Variants in EML5 observed in about 807,000 individuals in gnomAD.
The protein encoded by EML5 is echinoderm microtubule-associated protein-like 5.
A neutral mutation model predicts 250.0 loss-of-function variants in EML5; 120 were observed. The observed-to-expected ratio is 0.48, with a 90% confidence interval of 0.41 to 0.56. EML5 has a LOEUF of 0.56. Ranked by LOEUF, EML5 falls within the 20% of genes least tolerant of loss-of-function variation. The pLI is 0.00. For missense variants in EML5, 2,006 were observed against 2,437.6 expected, an observed-to-expected ratio of 0.82 and a Z score of 3.73; for synonymous variants, 771 against 806.5, an observed-to-expected ratio of 0.96 and a Z score of 0.75.
intron 1 of EML5, among the ~76,000 whole-genome samples, chr14:88,756,245 C>A (rs183448790): frequency 1.1e-4 from 16 of 151,780 alleles, no homozygotes; most frequent in Admixed American, 2.6e-4. Flanking sequence ...GAAGAAAGGT[C>A]AAAAAAACTC....
intron 27 of EML5, among the ~76,000 whole-genome samples, chr14:88,655,325 A>G (rs924335726): frequency 1.3e-5 from 2 of 152,174 alleles, no homozygotes; most frequent in Non-Finnish European, 2.9e-5. Flanking sequence ...ATAATGCCAC[A>G]TATCTACAAC....
chr14:88,675,012 G>A (rs1178213486), intron 21 of EML5, among the ~76,000 whole-genome samples: 2 of 152,228 alleles, frequency 1.3e-5, no homozygotes, highest in Admixed American at 1.3e-4. Context: ...ATGGTCTTGG[G>A]CAGCTCTGCC....
rs577874420 is a variant in EML5 at position 88,729,777 on chromosome 14, T to C, written c.1050-3099A>G. 2.0e-5 allele frequency among the ~76,000 whole-genome samples: 3 copies of C among 152,174 alleles called. No individual in the cohort carries two copies. The South Asian group carries it at 6.2e-4, about 32-fold the overall frequency. The stretch of plus-strand genomic sequence containing the variant: ...GGTTTTGCCATGTTGGCCAGGCTGG[T>C]CTTGAACTCTTGGCCTCATGTGATC... On this transcript the variant is annotated intron_variant, in intron 7 of 43. Transcript: ENST00000554922.
At chr14:88,696,982 A>G in intron 14 of EML5, 30 bp from the exon 15 acceptor site, 1 of 1,366,956 alleles carries the variant, frequency 7.3e-7, no homozygotes, top group Non-Finnish European at 9.9e-7. Context: ...GCTATTAAAT[A>G]CAATTAAATT....
intron 1 of EML5, among the ~76,000 whole-genome samples, chr14:88,770,834 T>C (rs2094384807): frequency 6.6e-6 from 1 of 152,210 alleles, no homozygotes; most frequent in Non-Finnish European, 1.5e-5. Flanking sequence ...TTCTAAAACA[T>C]TTAACAAGAT....
At position 88,619,111 on chromosome 14, in the gene EML5, A is replaced by C. The variant is rs1174356080; in HGVS notation, c.5376-299T>G. On this transcript the variant is annotated intron_variant, in intron 39 of 43. Transcript: ENST00000554922. ...CCAGGCCCAGTGGCTCACACCTATA[A>C]TCCCAGAACTTTGGGAAGCGGAGGC... 10 of 191,876 alleles carry C rather than the reference A, an allele frequency of 5.2e-5. No individual in the cohort carries two copies. In the Admixed American group the frequency reaches 5.8e-4, roughly 11 times the overall value. 11.9% of individuals were successfully genotyped at this position (191,876 alleles called of 1,614,324 possible).
chr14:88,743,845 G>T (rs1195449442), intron 4 of EML5, among the ~76,000 whole-genome samples, 178 bp downstream of exon 4: 2 of 151,950 alleles, frequency 1.3e-5, no homozygotes, highest in East Asian at 3.8e-4. Flanking sequence ...CCTTACAATA[G>T]TTCAAAGCAA....
chr14:88,659,496 G>A (rs887898008), intron 25 of EML5, among the ~76,000 whole-genome samples: 106 of 152,230 alleles, frequency 7.0e-4, no homozygotes, highest in Non-Finnish European at 1.9e-4. Flanking sequence ...ATAGGCGTAA[G>A]CCACTGCGCC....
At chr14:88,759,580 A>C (rs2094207691) in intron 1 of EML5, among the ~76,000 whole-genome samples, 1 of 151,220 alleles carries the variant, frequency 6.6e-6, no homozygotes, top group East Asian at 2.0e-4. Context: ...GTTATTCAGA[A>C]GGCTGAGGCA....
intron 1 of EML5, among the ~76,000 whole-genome samples, chr14:88,786,142 C>T (rs1332898631): frequency 6.6e-6 from 1 of 152,198 alleles, no homozygotes; most frequent in Non-Finnish European, 1.5e-5. Flanking sequence ...CAGCACATTA[C>T]CTCACCTCCT....
chr14:88,640,775 G>T (rs532086117), intron 31 of EML5, among the ~76,000 whole-genome samples: 1 of 151,792 alleles, frequency 6.6e-6, no homozygotes, highest in Non-Finnish European at 1.5e-5. Flanking sequence ...AAAAAAATCG[G>T]TTTTTTGAAA....
chr14:88,747,915 A>G (rs1374133938), intron 2 of EML5, among the ~76,000 whole-genome samples: 2 of 152,204 alleles, frequency 1.3e-5, no homozygotes, highest in Admixed American at 6.5e-5. Context: ...ACAGCTAGAA[A>G]CTGTACAGAA....
chr14:88,713,929 C>T lies in EML5; in HGVS notation c.1444+1010G>A, dbSNP rs115000783. ...AACGGCTCACTGCAGCCTTATCCTCCCAAGCTCAAATGACCCTCCCATCCC... is the reference window on the plus strand; with the variant it reads ...AACGGCTCACTGCAGCCTTATCCTCTCAAGCTCAAATGACCCTCCCATCCC... On this transcript the variant is annotated intron_variant, in intron 9 of 43. Coordinates refer to ENST00000554922, the MANE Select transcript of EML5 (RefSeq NM_183387.3). 2.8e-3 allele frequency among the ~76,000 whole-genome samples: 428 copies of T among 151,544 alleles called. 3 individuals are homozygous for T. The highest frequency in any genetic ancestry group is 9.5e-3 in the African/African-American group (391 of 41,222).
At position 88,792,669 on chromosome 14, in the gene EML5, C is replaced by T. The variant is rs1043871578; in HGVS notation, c.-166G>A. ...CTCGTTTCGGGGGCCGCCGCCGCCT[C>T]AGCCCACAGGCGGGAGGAAAACCCT... On this transcript the variant is annotated 5_prime_UTR_variant, in exon 1 of 44. An upstream open reading frame in the 5' UTR loses its in-frame stop. Coordinates refer to ENST00000554922, the MANE Select transcript of EML5 (RefSeq NM_183387.3). This position sits in a 1 kb window ranked among gnomAD's most constrained non-coding sequence, Gnocchi z 6.9. 16 of 1,143,844 alleles carry T rather than the reference C, an allele frequency of 1.4e-5. No individual in the cohort carries two copies. The highest frequency in any genetic ancestry group is 1.6e-5 in the African/African-American group (1 of 61,462). 70.9% of individuals were successfully genotyped at this position (1,143,844 alleles called of 1,614,324 possible).
At chr14:88,706,813 A>T (rs1234866661) in intron 10 of EML5, among the ~76,000 whole-genome samples, 6 of 152,232 alleles carry the variant, frequency 3.9e-5, no homozygotes, top group African/African-American at 1.4e-4. Context: ...TTTAAGACTT[A>T]AGTCATCAAG....
chr14:88,653,086 T>G (rs1160808333), intron 27 of EML5, among the ~76,000 whole-genome samples: 1 of 152,126 alleles, frequency 6.6e-6, no homozygotes, highest in East Asian at 1.9e-4. Context: ...TCACTCATGA[T>G]TTGGCTGTTT....
chr14:88,752,322 A>T (rs551159332), intron 2 of EML5, among the ~76,000 whole-genome samples: 1 of 152,222 alleles, frequency 6.6e-6, no homozygotes, highest in African/African-American at 2.4e-5. Flanking sequence ...CTTGAATTTC[A>T]TAACACCTTA....
At chr14:88,765,024 C>G (rs1314036277) in intron 1 of EML5, among the ~76,000 whole-genome samples, 1 of 152,140 alleles carries the variant, frequency 6.6e-6, no homozygotes, top group African/African-American at 2.4e-5. Context: ...AGTCCTTTGT[C>G]TCTAACCTAG....
chr14:88,783,406 A>C (rs1253503145), intron 1 of EML5, among the ~76,000 whole-genome samples: 1 of 152,228 alleles, frequency 6.6e-6, no homozygotes, highest in Non-Finnish European at 1.5e-5. Flanking sequence ...AGATCAATGG[A>C]GCTTCCACTG....
Sources: gnomAD v4.1 joint callset for allele counts (sites outside exome capture counted in the v4.1 genomes callset) on GRCh38, gnomAD v4.1.1 for gene constraint, Gnocchi (gnomAD v3.1) non-coding constraint, MANE v1.5 for transcripts, NCBI Gene and HGNC (gene_info 2026-07-23, HGNC 2026-07-21) for gene names.